The following UPK3A variants were observed in gnomAD, a reference collection of about 807,000 sequenced individuals.
The protein encoded by UPK3A is uroplakin 3A, also known as uroplakin-3a.
UPK3A carries 32 observed loss-of-function variants against 27.6 expected under a neutral mutation model. The ratio of observed to expected loss-of-function variants is 1.16; its 90% CI spans 0.87 to 1.55. The LOEUF (loss-of-function observed/expected upper bound fraction) is 1.55. UPK3A is among the 40% of genes most tolerant of loss of function. The pLI is 0.00. For missense variants in UPK3A, 370 were observed against 367.9 expected, an observed-to-expected ratio of 1.01 and a Z score of -0.05; for synonymous variants, 171 against 163.9, an observed-to-expected ratio of 1.04 and a Z score of -0.33.
chr22:45,287,377 C>G lies in UPK3A; in HGVS notation c.414C>G (p.Ala138=). 1 of 1,613,428 alleles carries G rather than the reference C, an allele frequency of 6.2e-7. No homozygotes were observed. Among genetic ancestry groups the G allele is most frequent in the African/African-American group, 1.3e-5 (1 of 75,034 alleles). ...ATGCCTACCTGGTCAGGGTGGGTGC[C>G]AACGGGACCTGCCTGTGGGATCCCA... is the stretch of plus-strand genomic sequence containing the variant. ...ILNAYLVRVG[A]NGTCLWDPNF... is the part of the protein sequence containing the mutation. Residue 138 remains alanine (A), a synonymous_variant, in exon 3 of 6, where the codon GCC becomes GCG. Transcript: ENST00000216211.
intron 1 of UPK3A, 46 bp from the exon 2 acceptor site, chr22:45,285,895 G>A: frequency 1.2e-6 from 2 of 1,612,212 alleles, no homozygotes; most frequent in East Asian, 4.5e-5. Flanking sequence ...AGTGGGTGTG[G>A]ACAGTTCTGC....
chr22:45,284,962 G>C lies in UPK3A; in HGVS notation c.-52G>C. On this transcript the variant is annotated 5_prime_UTR_variant, in exon 1 of 6. Transcript: ENST00000216211. ...CCTGGCAGGGACAGGTCTGGTGCCCGCGCCTGCTCGCTGGACCGCCCGCCC... is the reference window on the plus strand; with the variant it reads ...CCTGGCAGGGACAGGTCTGGTGCCCCCGCCTGCTCGCTGGACCGCCCGCCC... 1 of 1,504,748 alleles carries C rather than the reference G, an allele frequency of 6.6e-7. No individual in the cohort carries two copies. Among genetic ancestry groups the C allele is most frequent in the Non-Finnish European group, 8.9e-7 (1 of 1,125,526 alleles). 93.2% of individuals were successfully genotyped at this position (1,504,748 alleles called of 1,614,324 possible).
Position 45,293,273 on chromosome 22 carries a change from C to G in UPK3A, c.664C>G (p.Leu222Val). The G allele has an allele frequency of 1.2e-6, 2 of 1,614,116 alleles. No homozygotes were observed. The highest frequency in any genetic ancestry group is 2.2e-5 in the South Asian group (2 of 91,078). Residue 222 changes from leucine to valine, a missense_variant, in exon 5 of 6, where the codon CTA (leucine) becomes GTA (valine). Physicochemically the swap from Leu to Val is conservative, Grantham distance 32. Coordinates refer to ENST00000216211, the MANE Select transcript of UPK3A (RefSeq NM_006953.4). Reference protein sequence around the residue: ...TSILGSLPFFLLVGFAGAIAL... With the variant: ...TSILGSLPFFVLVGFAGAIAL... The stretch of plus-strand genomic sequence containing the variant: ...CATCCTGGGCTCCCTGCCCTTCTTT[C>G]TACTTGTGGGTTTTGCTGGCGCCAT...
chr22:45,294,597 G>A (rs1242334979), intron 5 of UPK3A, among the ~76,000 whole-genome samples: 1 of 152,094 alleles, frequency 6.6e-6, no homozygotes, highest in East Asian at 1.9e-4. Context: ...GATGATATCA[G>A]CCTCCCAGAA....
At chr22:45,287,061 G>T in intron 2 of UPK3A, 111 bp from the exon 3 acceptor site, 2 of 1,525,052 alleles carry the variant, frequency 1.3e-6, no homozygotes, top group South Asian at 2.3e-5. Flanking sequence ...TGATGCCAGT[G>T]CCCAGCACAG....
chr22:45,286,564 A>T (rs554103307), intron 2 of UPK3A, among the ~76,000 whole-genome samples: 111 of 152,098 alleles, frequency 7.3e-4, no homozygotes, highest in Non-Finnish European at 1.3e-3. Context: ...CCCAGCCCCA[A>T]CCCCTGCCCT....
Position 45,284,988 on chromosome 22 carries a change from C to T in UPK3A, c.-26C>T. 6.5e-7 allele frequency: 1 copy of T among 1,529,046 alleles called. No homozygotes were observed. The highest frequency in any genetic ancestry group is 8.7e-7 in the Non-Finnish European group (1 of 1,144,230). 94.7% of individuals were successfully genotyped at this position (1,529,046 alleles called of 1,614,324 possible). ...CGCCTGCTCGCTGGACCGCCCGCCCCGCGCTCTGGCGGCTCCTCCCGGGCG... is the reference window on the plus strand; with the variant it reads ...CGCCTGCTCGCTGGACCGCCCGCCCTGCGCTCTGGCGGCTCCTCCCGGGCG... On this transcript the variant is annotated 5_prime_UTR_variant, in exon 1 of 6. Coordinates refer to ENST00000216211, the MANE Select transcript of UPK3A (RefSeq NM_006953.4).
chr22:45,294,072 G>A (rs113049110), intron 5 of UPK3A, among the ~76,000 whole-genome samples: 1 of 149,526 alleles, frequency 6.7e-6, no homozygotes, highest in Non-Finnish European at 1.5e-5. Context: ...AGGAGGGCCG[G>A]GGGGGTGCTG....
At chr22:45,286,465 C>T (rs957691705) in intron 2 of UPK3A, among the ~76,000 whole-genome samples, 1 of 152,092 alleles carries the variant, frequency 6.6e-6, no homozygotes, top group Non-Finnish European at 1.5e-5. Context: ...CTCTAGTCCC[C>T]AAGCCCAAGG....
intron 4 of UPK3A, among the ~76,000 whole-genome samples, chr22:45,291,220 G>A (rs980344224): frequency 2.3e-4 from 35 of 151,890 alleles, no homozygotes; most frequent in African/African-American, 6.3e-4. Flanking sequence ...GGGTGTGTGT[G>A]GTTAGTGTGA....
rs201838809 is a variant in UPK3A at position 45,287,161 on chromosome 22, C to T, written c.209-11C>T. ...TGGCCAGAAGCCTGACTCCCTGCAC[C>T]GCCTCTGCAGCCATTTCCAGGAATG... On this transcript the variant is annotated splice_polypyrimidine_tract_variant and intron_variant, in intron 2 of 5. Coordinates refer to ENST00000216211, the MANE Select transcript of UPK3A (RefSeq NM_006953.4). 146 of 1,613,886 alleles carry T rather than the reference C, an allele frequency of 9.0e-5. No homozygotes were observed. In the East Asian group the frequency reaches 2.3e-3, roughly 26 times the overall value.
Position 45,295,777 on chromosome 22 carries a change from C to G in UPK3A, c.*58C>G. The G allele has an allele frequency of 6.2e-7, 1 of 1,601,928 alleles. No individual in the cohort carries two copies. The highest frequency in any genetic ancestry group is 1.3e-5 in the African/African-American group (1 of 74,800). On this transcript the variant is annotated 3_prime_UTR_variant, in exon 6 of 6. Transcript: ENST00000216211. ...CTCTCTGGCCTTGCCCCAGGCCCTG[C>G]AGCGGTGGTTGTCACACCCTGACTT...
chr22:45,288,989 TC>T lies in UPK3A; in HGVS notation c.489-66del, dbSNP rs952813670. 13 of 1,491,542 alleles carry T rather than the reference TC, an allele frequency of 8.7e-6. No homozygotes were observed. In the African/African-American group the frequency reaches 1.8e-4, roughly 21 times the overall value. 92.4% of individuals were successfully genotyped at this position (1,491,542 alleles called of 1,614,324 possible). On this transcript the variant is annotated intron_variant, in intron 3 of 5. Coordinates refer to ENST00000216211, the MANE Select transcript of UPK3A (RefSeq NM_006953.4). ...TCTCCCACCCCTAGGCCATCCTACA[TC>T]CCCCCACCGCCTCCCTGTGGGTGGG...
intron 4 of UPK3A, among the ~76,000 whole-genome samples, chr22:45,292,880 G>C (rs2084170752): frequency 6.6e-6 from 1 of 151,670 alleles, no homozygotes; most frequent in Admixed American, 6.6e-5. Flanking sequence ...TGCACTCATG[G>C]CTGGGTGACA....
intron 4 of UPK3A, 137 bp from the exon 5 acceptor site, chr22:45,293,044 G>A: frequency 7.8e-7 from 1 of 1,284,792 alleles, no homozygotes; most frequent in Non-Finnish European, 1.1e-6. Context: ...TAAAACCTGA[G>A]AGAAGTCGCC....
At chr22:45,287,044 A>T (rs1601846990) in intron 2 of UPK3A, 128 bp from the exon 3 acceptor site, 2 of 1,414,378 alleles carry the variant, frequency 1.4e-6, no homozygotes, top group African/African-American at 1.4e-5. Context: ...AGTTTGCCCC[A>T]TGCCTGTGAT....
intron 4 of UPK3A, among the ~76,000 whole-genome samples, chr22:45,291,697 G>C (rs2084162738): frequency 6.6e-6 from 1 of 151,136 alleles, no homozygotes; most frequent in African/African-American, 2.4e-5. Context: ...TGTCTGGTGT[G>C]TGAGAGTGGC....
chr22:45,293,440 C>T, intron 5 of UPK3A, 127 bp downstream of exon 5: 4 of 1,251,594 alleles, frequency 3.2e-6, no homozygotes, highest in Non-Finnish European at 4.6e-6. Flanking sequence ...CTACCCTCTG[C>T]CCCGCGGGTG....
At chr22:45,290,769 G>C (rs2084155065) in intron 4 of UPK3A, among the ~76,000 whole-genome samples, 1 of 152,184 alleles carries the variant, frequency 6.6e-6, no homozygotes, top group African/African-American at 2.4e-5. Context: ...GCTCCCTGTA[G>C]CTCGCATTAC....
Sources: allele counts gnomAD v4.1 joint callset (sites outside exome capture counted in the v4.1 genomes callset), GRCh38; gene constraint gnomAD v4.1.1; transcripts MANE v1.5; gene names NCBI Gene and HGNC (gene_info 2026-07-23, HGNC 2026-07-21).